Variants in RGS7 observed in about 807,000 individuals in gnomAD.
RGS7 encodes regulator of G protein signaling 7.
Under a neutral mutation model 81.1 loss-of-function variants are expected in RGS7, and 27 were observed. The ratio of observed to expected loss-of-function variants is 0.33; its 90% confidence interval spans 0.25 to 0.46. The LOEUF is 0.46. Ranked by LOEUF, RGS7 falls within the 20% of genes least tolerant of loss-of-function variation. RGS7 has a pLI of 1.00. For missense variants in RGS7, 396 were observed against 607.4 expected (o/e 0.65, Z 3.66); for synonymous variants, 208 against 207.7 (o/e 1.00, Z -0.01).
intron 3 of RGS7, among the ~76,000 whole-genome samples, chr1:240,992,337 C>T (rs892527419): frequency 6.6e-6 from 1 of 152,052 alleles, no homozygotes; most frequent in African/African-American, 2.4e-5. Flanking sequence ...CTCGTCTCTA[C>T]TATAAATATG....
intron 2 of RGS7, among the ~76,000 whole-genome samples, chr1:241,102,335 G>A (rs78640690): frequency 0.05 from 7,607 of 152,266 alleles, 612 homozygotes; most frequent in African/African-American, 0.17. Context: ...CTTGGCTAAC[G>A]GGACCCCAGG....
chr1:240,907,858 G>A (rs531335065), intron 6 of RGS7, among the ~76,000 whole-genome samples: 6 of 152,272 alleles, frequency 3.9e-5, no homozygotes, highest in Non-Finnish European at 7.4e-5. Context: ...TTAACCGCTA[G>A]ACTTGAGAGA....
chr1:240,864,320 CCT>C (rs1466133936), intron 9 of RGS7, among the ~76,000 whole-genome samples: 1 of 152,096 alleles, frequency 6.6e-6, no homozygotes, highest in African/African-American at 2.4e-5. Context: ...GTGGCAACGC[CCT>C]GTTTCACGAG....
chr1:241,238,651 C>T (rs969711574), intron 2 of RGS7, among the ~76,000 whole-genome samples: 5 of 152,078 alleles, frequency 3.3e-5, no homozygotes, highest in South Asian at 2.1e-4. Context: ...CCTCCTGCCT[C>T]GGCCTCCTGA....
chr1:240,839,374 A>T (rs985951694), intron 9 of RGS7, among the ~76,000 whole-genome samples: 2 of 152,218 alleles, frequency 1.3e-5, no homozygotes, highest in Non-Finnish European at 2.9e-5. Flanking sequence ...ACTTCGGTTA[A>T]GACTTTTTGA....
At position 240,784,198 on chromosome 1, in the gene RGS7, C is replaced by CAAAAA. The variant is rs940673148; in HGVS notation, c.*7-7990_*7-7986dup. Among the ~76,000 whole-genome samples, 7 of 116,472 alleles carry CAAAAA rather than the reference C, an allele frequency of 6.0e-5. No individual in the cohort carries two copies. The East Asian group carries it at 1.5e-3, about 25-fold the overall frequency. 76.4% of individuals were successfully genotyped at this position (116,472 alleles called of 152,430 possible). On this transcript the variant is annotated intron_variant, in intron 18 of 18. Transcript: ENST00000440928. The stretch of plus-strand genomic sequence containing the variant: ...GCGAAACTCTGTCTCGAAAAAAAAA[C>CAAAAA]AAAAAAACAAAACAAAACAAAAAAA...
chr1:240,830,271 G>A lies in RGS7; in HGVS notation c.610-3099C>T, dbSNP rs369122573. Among the ~76,000 whole-genome samples, 18 of 152,354 alleles carry A rather than the reference G, an allele frequency of 1.2e-4. No individual in the cohort carries two copies. The South Asian group carries it at 1.2e-3, about 11-fold the overall frequency. On this transcript the variant is annotated intron_variant, in intron 9 of 18. Transcript: ENST00000440928. ...AGATCTAAGAATAGTGGGTGGATGG[G>A]AGCCTGAAGTTGGGACAAAGGCTGC...
At chr1:241,355,151 C>T (rs1463637396) in intron 2 of RGS7, among the ~76,000 whole-genome samples, 1 of 151,830 alleles carries the variant, frequency 6.6e-6, no homozygotes, top group East Asian at 1.9e-4. Context: ...CCATAAATAC[C>T]CCAAGTCATA....
chr1:241,162,222 G>GCCCCCCCCCCCCA (rs68166816), intron 2 of RGS7, among the ~76,000 whole-genome samples: 16 of 142,028 alleles, frequency 1.1e-4, no homozygotes, highest in African/African-American at 4.2e-4. Context: ...CTGGTGATCA[G>GCCCCCCCCCCCCA]CTTCCAAATA....
At chr1:241,281,543 C>T (rs775724501) in intron 2 of RGS7, among the ~76,000 whole-genome samples, 1 of 152,178 alleles carries the variant, frequency 6.6e-6, no homozygotes, top group Admixed American at 6.5e-5. Context: ...CAGAAGTGCT[C>T]CCAAGAAGCA....
chr1:240,919,291 ACC>A (rs1180219336), intron 6 of RGS7, among the ~76,000 whole-genome samples: 21 of 152,150 alleles, frequency 1.4e-4, no homozygotes, highest in African/African-American at 5.1e-4. Context: ...AAGACTACAG[ACC>A]AATACTTCTC....
chr1:241,101,593 C>T (rs538447925), intron 2 of RGS7, among the ~76,000 whole-genome samples: 1 of 152,080 alleles, frequency 6.6e-6, no homozygotes, highest in Non-Finnish European at 1.5e-5. Flanking sequence ...CCAAATACCC[C>T]ACTTCTTTTG....
chr1:240,929,193 G>T (rs1267230007), intron 6 of RGS7, among the ~76,000 whole-genome samples: 1 of 152,146 alleles, frequency 6.6e-6, no homozygotes, highest in Non-Finnish European at 1.5e-5. Flanking sequence ...TCCAATGCCT[G>T]GGTTTTTCTC....
At position 240,831,122 on chromosome 1, in the gene RGS7, C is replaced by T. The variant is rs116532765; in HGVS notation, c.610-3950G>A. ...CCCAGGAAAATGAAATCTGCCAGTTCAAAGTTTGTTACTAATGACTAAATG... is the reference window on the plus strand; with the variant it reads ...CCCAGGAAAATGAAATCTGCCAGTTTAAAGTTTGTTACTAATGACTAAATG... On this transcript the variant is annotated intron_variant, in intron 9 of 18. Transcript: ENST00000440928. Among the ~76,000 whole-genome samples, 304 of 152,004 alleles carry T rather than the reference C, an allele frequency of 2.0e-3. 3 individuals carry two copies. The highest frequency in any genetic ancestry group is 7.1e-3 in the African/African-American group (296 of 41,476).
intron 3 of RGS7, among the ~76,000 whole-genome samples, chr1:241,008,912 CAAAAAAA>C (rs33916247): frequency 1.3e-5 from 1 of 77,906 alleles, no homozygotes; most frequent in Non-Finnish European, 2.4e-5. Context: ...ACTCTGTCTC[CAAAAAAA>C]AAAAAAAAAA....
At chr1:240,779,013 C>A (rs1021491603) in intron 18 of RGS7, among the ~76,000 whole-genome samples, 2 of 152,092 alleles carry the variant, frequency 1.3e-5, no homozygotes, top group Non-Finnish European at 2.9e-5. Flanking sequence ...AAAGCTTACT[C>A]CCCAGTGTGA....
intron 4 of RGS7, among the ~76,000 whole-genome samples, chr1:240,978,011 A>T (rs1478665238): frequency 1.3e-5 from 2 of 152,214 alleles, no homozygotes; most frequent in Non-Finnish European, 2.9e-5. Flanking sequence ...TGACATCCTG[A>T]GGCAAGGATT....
Position 240,936,536 on chromosome 1 carries a change from C to T in RGS7, c.333+64G>A, listed in dbSNP as rs1416460574. ...TTTTAAAAGTTCTGTTCAAAAGAAA[C>T]CTAACTAACAAACGAAATGCGGGCT... On this transcript the variant is annotated intron_variant, in intron 5 of 18. Transcript: ENST00000440928. The T allele has an allele frequency of 8.0e-6, 10 of 1,250,768 alleles. No individual in the cohort carries two copies. The Admixed American group carries it at 1.5e-4, about 19-fold the overall frequency. 77.5% of individuals were successfully genotyped at this position (1,250,768 alleles called of 1,614,324 possible). A position where few individuals can be genotyped will look rare whatever the true frequency, so the allele number is the denominator to read the frequency against.
At chr1:241,063,580 T>A (rs1421618214) in intron 3 of RGS7, among the ~76,000 whole-genome samples, 1 of 152,200 alleles carries the variant, frequency 6.6e-6, no homozygotes, top group Admixed American at 6.5e-5. Flanking sequence ...TTTATTTATT[T>A]GTGGGCCATT....
Sources: gnomAD v4.1 joint callset for allele counts (sites outside exome capture counted in the v4.1 genomes callset) on GRCh38, gnomAD v4.1.1 for gene constraint, MANE v1.5 for transcripts, NCBI Gene and HGNC (gene_info 2026-07-23, HGNC 2026-07-21) for gene names.